The following DCAF5 variants were observed in gnomAD, a reference collection of about 807,000 sequenced individuals.
DCAF5 encodes DDB1- and CUL4-associated factor 5.
In DCAF5, 9 loss-of-function variants were observed where a neutral mutation model predicts 80.7. That is an observed-to-expected ratio of 0.11 (90% CI 0.07 to 0.19). The LOEUF (loss-of-function observed/expected upper bound fraction) is 0.19, where lower values mean the gene tolerates loss of function less well. Among genes scored for constraint, DCAF5 ranks in the 10% least tolerant of loss-of-function variants. DCAF5 has a pLI of 1.00. For synonymous variants in DCAF5, 433 were observed against 461.9 expected, an observed-to-expected ratio of 0.94 and a Z score of 0.80; for missense variants, 842 against 1,205.7, an observed-to-expected ratio of 0.70 and a Z score of 4.47.
chr14:69,136,113 C>T (rs1355793168), intron 1 of DCAF5, among the ~76,000 whole-genome samples: 3 of 125,298 alleles, frequency 2.4e-5, no homozygotes, highest in Admixed American at 8.9e-5. Context: ...ATGTGTAAAA[C>T]TTTTTTTTTT....
rs896656264 is a variant in DCAF5 at position 69,152,854 on chromosome 14, C to T, written c.125G>A (p.Arg42Lys). 3 of 1,614,070 alleles carry T rather than the reference C, an allele frequency of 1.9e-6. No individual in the cohort carries two copies. In the African/African-American group the frequency reaches 4.0e-5, roughly 22 times the overall value. The change falls in exon 1 of 9, where the codon AGA becomes AAA. Residue 42 changes from arginine to lysine, a missense_variant. Physicochemically the swap from Arg to Lys is conservative, Grantham distance 26 (BLOSUM62 2). This residue lies in a region of DCAF5 where 142 missense variants were observed against 311.9 expected (regional missense o/e 0.46). Coordinates refer to ENST00000341516, the MANE Select transcript of DCAF5 (RefSeq NM_003861.3). This position sits in a 1 kb window ranked among gnomAD's most constrained non-coding sequence, Gnocchi z 4.1. The part of the protein sequence containing the change: ...DFQRRRLRGC[R>K]NLYKKDLLGH... ...GAGGAGGTCCTTCTTGTAGAGGTTT[C>T]TGCAGCCCCGCAGGCGTCTCCTCTG... is the stretch of plus-strand genomic sequence containing the variant.
chr14:69,121,106 T>C (rs182568398), intron 2 of DCAF5, among the ~76,000 whole-genome samples: 48 of 152,210 alleles, frequency 3.2e-4, no homozygotes, highest in Non-Finnish European at 4.3e-4. Flanking sequence ...AAATGACAAA[T>C]AGTTTGGTGG....
rs1566710139 is a variant in DCAF5 at position 69,052,650 on chromosome 14, A to G, written c.*1207T>C. On this transcript the variant is annotated 3_prime_UTR_variant, in exon 9 of 9. Coordinates refer to ENST00000341516, the MANE Select transcript of DCAF5 (RefSeq NM_003861.3). ...TCTTTTATGGGAACCAGAAGACTTAAGACTAATGGGAACCAGGAGTCATAA... is the reference window on the plus strand; with the variant it reads ...TCTTTTATGGGAACCAGAAGACTTAGGACTAATGGGAACCAGGAGTCATAA... 6.6e-6 allele frequency: 1 copy of G among 152,250 alleles called. No individual in the cohort carries two copies. Among genetic ancestry groups the G allele is most frequent in the East Asian group, 1.9e-4 (1 of 5,198 alleles). 9.4% of individuals were successfully genotyped at this position (152,250 alleles called of 1,614,324 possible).
intron 5 of DCAF5, among the ~76,000 whole-genome samples, chr14:69,093,478 T>C (rs191113645): frequency 6.6e-6 from 1 of 152,326 alleles, no homozygotes; most frequent in Non-Finnish European, 1.5e-5. Flanking sequence ...AAAAGAGCTA[T>C]ATATTACCAG....
chr14:69,081,959 A>G (rs1172614269), intron 6 of DCAF5, among the ~76,000 whole-genome samples: 1 of 152,220 alleles, frequency 6.6e-6, no homozygotes, highest in Non-Finnish European at 1.5e-5. Flanking sequence ...AATTAGCTGT[A>G]TTGACTAGGA....
At chr14:69,084,554 G>T in intron 6 of DCAF5, 1 of 756,362 alleles carries the variant, frequency 1.3e-6, no homozygotes. Flanking sequence ...TGACGATAAA[G>T]CTAATGCAAC....
chr14:69,091,222 C>T, intron 6 of DCAF5: 2 of 698,162 alleles, frequency 2.9e-6, no homozygotes, highest in Non-Finnish European at 2.6e-6. Flanking sequence ...TACCCCATTT[C>T]ATCCAAGAAA....
At chr14:69,147,002 T>A (rs1216171850) in intron 1 of DCAF5, among the ~76,000 whole-genome samples, 1 of 152,264 alleles carries the variant, frequency 6.6e-6, no homozygotes, top group Non-Finnish European at 1.5e-5. Flanking sequence ...TCAGGCTTTA[T>A]TTAACTGGCT....
chr14:69,106,636 T>C (rs1313707987), intron 5 of DCAF5, among the ~76,000 whole-genome samples: 2 of 152,196 alleles, frequency 1.3e-5, no homozygotes, highest in South Asian at 2.1e-4. Flanking sequence ...GCTCCCAAAG[T>C]GCTAGGATTA....
chr14:69,123,279 C>T (rs967300830), intron 1 of DCAF5, among the ~76,000 whole-genome samples: 1 of 152,234 alleles, frequency 6.6e-6, no homozygotes, highest in Non-Finnish European at 1.5e-5. Flanking sequence ...AGCTCCATGA[C>T]AGCAGAAACC....
chr14:69,145,578 G>A (rs2041512064), intron 1 of DCAF5, among the ~76,000 whole-genome samples: 1 of 152,018 alleles, frequency 6.6e-6, no homozygotes, highest in African/African-American at 2.4e-5. Context: ...TTAAAGGACA[G>A]GGAATTGAGT....
At chr14:69,069,396 C>T (rs961808025) in intron 7 of DCAF5, among the ~76,000 whole-genome samples, 1 of 152,144 alleles carries the variant, frequency 6.6e-6, no homozygotes, top group African/African-American at 2.4e-5. Context: ...AGGTGGGTAG[C>T]AAGGAAGGAC....
chr14:69,079,038 TTTA>T (rs1481118684), intron 6 of DCAF5, among the ~76,000 whole-genome samples: 4 of 152,006 alleles, frequency 2.6e-5, no homozygotes, highest in Admixed American at 6.6e-5. Context: ...ACGTTACACG[TTTA>T]AAAGAGGCTA....
chr14:69,128,085 T>C (rs552967280), intron 1 of DCAF5, among the ~76,000 whole-genome samples: 1 of 152,078 alleles, frequency 6.6e-6, no homozygotes, highest in South Asian at 2.1e-4. Context: ...CCTTTAAAAC[T>C]TTCCAGAAAA....
At chr14:69,058,804 G>A (rs1233153258) in intron 8 of DCAF5, among the ~76,000 whole-genome samples, 1 of 150,880 alleles carries the variant, frequency 6.6e-6, no homozygotes, top group Non-Finnish European at 1.5e-5. Context: ...GCCTGGGGAG[G>A]TTGAGGCTGC....
At chr14:69,114,473 G>A (rs149977991) in intron 5 of DCAF5, among the ~76,000 whole-genome samples, 269 of 152,250 alleles carry the variant, frequency 1.8e-3, no homozygotes, top group Non-Finnish European at 3.0e-3. Flanking sequence ...GTATTACTAC[G>A]TGCTTCCTTC....
chr14:69,081,719 T>C (rs1294841192), intron 6 of DCAF5, among the ~76,000 whole-genome samples: 1 of 151,770 alleles, frequency 6.6e-6, no homozygotes, highest in Non-Finnish European at 1.5e-5. Flanking sequence ...CTGACCCAAA[T>C]GTCCTCTGTC....
intron 6 of DCAF5, chr14:69,090,833 A>G (rs1331965557): frequency 1.6e-5 from 7 of 444,314 alleles, no homozygotes; most frequent in South Asian, 1.2e-4. Context: ...GCGAGAGACT[A>G]AGGTTTTTCT....
In DCAF5 at chr14:69,062,269, T is replaced by A. The variant is rs2038243787; in HGVS notation, c.1074+115A>T. Reference sequence around the variant, plus strand: ...TTTGTAATATGTTAAAATCTGAGAATTCTGATAGACCTTTAGTATGTTTAA... The same window carrying A: ...TTTGTAATATGTTAAAATCTGAGAAATCTGATAGACCTTTAGTATGTTTAA... On this transcript the variant is annotated intron_variant, in intron 8 of 8. Transcript: ENST00000341516. 5 of 1,130,682 alleles carry A rather than the reference T, an allele frequency of 4.4e-6. No homozygotes were observed. The South Asian group carries it at 9.1e-5, about 21-fold the overall frequency. The allele number at this position is 1,130,682 out of a possible 1,614,324, so 70.0% of individuals were successfully genotyped here.
Sources: allele counts gnomAD v4.1 joint callset (sites outside exome capture counted in the v4.1 genomes callset), GRCh38; gene constraint gnomAD v4.1.1; regional missense constraint gnomAD v4.1.1; non-coding constraint Gnocchi (gnomAD v3.1); transcripts MANE v1.5; gene names NCBI Gene and HGNC (gene_info 2026-07-23, HGNC 2026-07-21).